SYNCRIP: variants seen among roughly 807,000 people sequenced by gnomAD.
SYNCRIP encodes synaptotagmin binding cytoplasmic RNA interacting protein.
SYNCRIP carries 9 observed loss-of-function variants against 68.9 expected under a neutral mutation model. The ratio of observed to expected loss-of-function variants is 0.13; its 90% confidence interval spans 0.08 to 0.23. The LOEUF is 0.23. Among genes scored for constraint, SYNCRIP ranks in the 10% least tolerant of loss-of-function variants. SYNCRIP has a pLI of 1.00. For missense variants in SYNCRIP, 414 were observed against 770.6 expected (o/e 0.54, Z 5.48); for synonymous variants, 258 against 254.0 (o/e 1.02, Z -0.15).
chr6:85,633,265 T>C (rs9450306), intron 6 of SYNCRIP, among the ~76,000 whole-genome samples: 74 of 104,294 alleles, frequency 7.1e-4, no homozygotes, highest in African/African-American at 2.1e-3. Flanking sequence ...CAAAAACAAA[T>C]AAATAAATAA....
downstream of SYNCRIP, among the ~76,000 whole-genome samples, chr6:85,613,496 G>C (rs544170069): frequency 7.2e-5 from 11 of 151,986 alleles, no homozygotes; most frequent in Non-Finnish European, 1.5e-4. Context: ...CCTAGAGTCT[G>C]TCCCCCAAAA....
At chr6:85,627,688 A>G (rs1327804798) in intron 6 of SYNCRIP, among the ~76,000 whole-genome samples, 4 of 152,160 alleles carry the variant, frequency 2.6e-5, no homozygotes, top group African/African-American at 9.7e-5. Context: ...AAAAACGAGC[A>G]CACACACACA....
At chr6:85,631,339 CAA>C (rs71003000) in intron 6 of SYNCRIP, among the ~76,000 whole-genome samples, 26 of 91,706 alleles carry the variant, frequency 2.8e-4, no homozygotes, top group Admixed American at 3.9e-4. Flanking sequence ...ACTGTGTCTC[CAA>C]AAAAAAAAAA....
intron 6 of SYNCRIP, 98 bp from the exon 7 acceptor site, chr6:85,624,210 T>C (rs1806779501): frequency 1.7e-6 from 2 of 1,199,366 alleles, no homozygotes; most frequent in Non-Finnish European, 2.4e-6. Flanking sequence ...CTTTAAAAAG[T>C]AGTTTACCTT....
At chr6:85,640,023 G>A (rs905929231) in intron 4 of SYNCRIP, among the ~76,000 whole-genome samples, 198 bp downstream of exon 4, 1 of 152,152 alleles carries the variant, frequency 6.6e-6, no homozygotes, top group Non-Finnish European at 1.5e-5. Context: ...AACATCAGTA[G>A]CTGGATAACA....
At chr6:85,630,350 G>A (rs957142830) in intron 6 of SYNCRIP, among the ~76,000 whole-genome samples, 2 of 152,184 alleles carry the variant, frequency 1.3e-5, no homozygotes, top group African/African-American at 4.8e-5. Context: ...AACAGAGCGA[G>A]ACTCCATCTC....
rs1054510390 is a variant in SYNCRIP at position 85,640,367 on chromosome 6, T to C, written c.268-39A>G. On this transcript the variant is annotated intron_variant, in intron 3 of 10. Transcript: ENST00000369622. The stretch of plus-strand genomic sequence containing the variant: ...TTCCATTAATATTTAACAATAACCA[T>C]ATCTGAGTCTAATAAAATTCAGCAG... 6 of 1,592,490 alleles carry C rather than the reference T, an allele frequency of 3.8e-6. No individual in the cohort carries two copies. In the African/African-American group the frequency reaches 6.7e-5, roughly 18 times the overall value.
At chr6:85,623,876 T>C in intron 7 of SYNCRIP, 101 bp downstream of exon 7, 2 of 1,401,242 alleles carry the variant, frequency 1.4e-6, no homozygotes, top group South Asian at 1.3e-5. Context: ...GAGGATTCGA[T>C]GAGTCAATAA....
At chr6:85,621,731 G>T (rs80118796) in intron 8 of SYNCRIP, among the ~76,000 whole-genome samples, 1 of 152,128 alleles carries the variant, frequency 6.6e-6, no homozygotes, top group East Asian at 1.9e-4. Context: ...ACTGACTGCT[G>T]AAGTCAGGAT....
intron 10 of SYNCRIP, among the ~76,000 whole-genome samples, chr6:85,616,981 GAC>G (rs1229563707): frequency 2.6e-5 from 4 of 152,104 alleles, no homozygotes; most frequent in Admixed American, 6.5e-5. Context: ...ATGTCAGGAG[GAC>G]AGAGATGAGA....
chr6:85,625,865 A>T (rs1472525973), intron 6 of SYNCRIP, among the ~76,000 whole-genome samples: 5 of 152,218 alleles, frequency 3.3e-5, no homozygotes, highest in African/African-American at 1.2e-4. Flanking sequence ...ACAGTTCTCA[A>T]CAGGAGTGAT....
rs1268330823 is a variant in SYNCRIP, at chr6:85,641,465, A to G, written c.-12-14T>C. On this transcript the variant is annotated splice_polypyrimidine_tract_variant and intron_variant, in intron 1 of 10. Coordinates refer to ENST00000369622, the MANE Select transcript of SYNCRIP (RefSeq NM_006372.5). ...GTTTCCAGAGATCTGTTCAAACGCA[A>G]TAAGCAAAATTAAACTAGGATCTTC... 6.3e-7 allele frequency: 1 copy of G among 1,595,456 alleles called. No individual in the cohort carries two copies. The highest frequency in any genetic ancestry group is 2.2e-5 in the East Asian group (1 of 44,682).
intron 10 of SYNCRIP, among the ~76,000 whole-genome samples, chr6:85,618,165 C>G (rs970463979): frequency 9.2e-5 from 14 of 152,064 alleles, no homozygotes; most frequent in African/African-American, 3.4e-4. Context: ...AACTCTCCAC[C>G]CTTTAACAAA....
chr6:85,636,968 A>C lies in SYNCRIP; in HGVS notation c.665T>G (p.Leu222Arg), dbSNP rs1380409638. 6.3e-7 allele frequency: 1 copy of C among 1,584,286 alleles called. No individual in the cohort carries two copies. The highest frequency in any genetic ancestry group is 8.6e-7 in the Non-Finnish European group (1 of 1,169,556). Residue 222 changes from leucine to arginine, a missense_variant and splice_region_variant, in exon 6 of 11, where the codon CTG (leucine) becomes CGG (arginine). Physicochemically the swap from Leu to Arg is moderately radical, Grantham distance 102. This residue lies in a region of SYNCRIP where 110 missense variants were observed against 269.3 expected (regional missense o/e 0.41). Coordinates refer to ENST00000369622, the MANE Select transcript of SYNCRIP (RefSeq NM_006372.5). ...TKEAAQEAVK[L>R]YNNHEIRSGK... is the part of the protein sequence containing the mutation. ...GAAGGGGAAAAAAGGACAACTTACC[A>C]GTTTAACAGCCTCCTGAGCTGCTTC...
intron 10 of SYNCRIP, among the ~76,000 whole-genome samples, 179 bp from the exon 11 acceptor site, chr6:85,615,526 T>C (rs1334732144): frequency 2.0e-5 from 3 of 152,224 alleles, no homozygotes; most frequent in Non-Finnish European, 2.9e-5. Context: ...AGGATCAGGA[T>C]GACAATATAG....
chr6:85,627,358 G>A (rs1029086083), intron 6 of SYNCRIP, among the ~76,000 whole-genome samples: 3 of 151,530 alleles, frequency 2.0e-5, no homozygotes, highest in East Asian at 1.9e-4. Context: ...GTCATTAAGC[G>A]AACAAAGTAA....
intron 4 of SYNCRIP, among the ~76,000 whole-genome samples, chr6:85,638,380 C>CAAAAAAAAAAAAAAAAAAA (rs71003001): frequency 2.3e-5 from 1 of 42,848 alleles, no homozygotes; most frequent in African/African-American, 9.9e-5. Flanking sequence ...GACCCCATCT[C>CAAAAAAAAAAAAAAAAAAA]AAAAAAAAAA....
intron 6 of SYNCRIP, among the ~76,000 whole-genome samples, chr6:85,626,744 C>G (rs576366531): frequency 1.3e-5 from 2 of 152,318 alleles, no homozygotes; most frequent in African/African-American, 4.8e-5. Context: ...TCAACATTAA[C>G]AATGCTGCTT....
At chr6:85,618,166 C>A (rs1323196585) in intron 10 of SYNCRIP, among the ~76,000 whole-genome samples, 1 of 152,064 alleles carries the variant, frequency 6.6e-6, no homozygotes, top group African/African-American at 2.4e-5. Context: ...ACTCTCCACC[C>A]TTTAACAAAA....
Sources: allele counts gnomAD v4.1 joint callset (sites outside exome capture counted in the v4.1 genomes callset), GRCh38; gene constraint gnomAD v4.1.1; regional missense constraint gnomAD v4.1.1; transcripts MANE v1.5; gene names NCBI Gene and HGNC (gene_info 2026-07-23, HGNC 2026-07-21).